Variants in CFAP161 observed in about 807,000 individuals in gnomAD.
The protein encoded by CFAP161 is cilia and flagella associated protein 161, also known as cilia- and flagella-associated protein 161.
In CFAP161, 25 loss-of-function variants were observed where a neutral mutation model predicts 29.0. The observed-to-expected ratio is 0.86, with a 90% confidence interval of 0.63 to 1.20. CFAP161 has a LOEUF of 1.20. Among genes scored for constraint, CFAP161 ranks in the 50% most tolerant of loss-of-function variants. The probability of loss-of-function intolerance (pLI) is 0.00; values close to 1 mark genes in which losing one functional copy is unlikely to be tolerated. For synonymous variants in CFAP161, 116 were observed against 137.4 expected (o/e 0.84, Z 1.09); for missense variants, 367 against 371.9 (o/e 0.99, Z 0.11).
chr15:81,126,688 CT>C (rs1297422830), intron 1 of CFAP161, among the ~76,000 whole-genome samples: 1 of 152,104 alleles, frequency 6.6e-6, no homozygotes, highest in Non-Finnish European at 1.5e-5. Context: ...TTTCTTTTCA[CT>C]TTAGATTATT....
intron 1 of CFAP161, among the ~76,000 whole-genome samples, chr15:81,102,599 T>C (rs150877542): frequency 3.9e-5 from 6 of 152,172 alleles, no homozygotes; most frequent in Admixed American, 1.3e-4. Context: ...GTCCAGGAGG[T>C]GAAGGCTGCA....
intron 1 of CFAP161, among the ~76,000 whole-genome samples, chr15:81,120,623 G>A (rs1470066085): frequency 6.6e-6 from 1 of 152,162 alleles, no homozygotes; most frequent in African/African-American, 2.4e-5. Context: ...ACAAGTTACA[G>A]TAGTTGACAA....
chr15:81,134,621 C>G (rs1373644329), intron 1 of CFAP161, among the ~76,000 whole-genome samples: 1 of 152,202 alleles, frequency 6.6e-6, no homozygotes, highest in African/African-American at 2.4e-5. Flanking sequence ...ACTTTTCTTT[C>G]TCTGGGTCCC....
At chr15:81,145,085 A>G (rs1336437447) in intron 5 of CFAP161, among the ~76,000 whole-genome samples, 3 of 152,154 alleles carry the variant, frequency 2.0e-5, no homozygotes, top group Non-Finnish European at 4.4e-5. Flanking sequence ...TGCGTTGACT[A>G]TGGAATTAGT....
At position 81,105,238 on chromosome 15, in the gene CFAP161, T is replaced by TTC. The variant is rs1194889726; in HGVS notation, c.-141-22339_-141-22338dup. Among the ~76,000 whole-genome samples the TTC allele has an allele frequency of 3.9e-5, 4 of 103,604 alleles. No individual in the cohort carries two copies. The East Asian group carries it at 9.4e-4, about 24-fold the overall frequency. 68.0% of individuals were successfully genotyped at this position (103,604 alleles called of 152,430 possible). A position where few individuals can be genotyped will look rare whatever the true frequency, so the allele number is the denominator to read the frequency against. ...CTCCCCCACCCTCCCCCCTCTTTCTTTCTCTCTCTCTCTCCTTCCTCTTTC... is the reference window on the plus strand; with the variant it reads ...CTCCCCCACCCTCCCCCCTCTTTCTTTCTCTCTCTCTCTCTCCTTCCTCTTTC... On this transcript the variant is annotated intron_variant, in intron 1 of 4. Transcript: ENST00000560091.
upstream of CFAP161, among the ~76,000 whole-genome samples, chr15:81,134,009 TA>T (rs1894761245): frequency 6.6e-6 from 1 of 152,202 alleles, no homozygotes; most frequent in African/African-American, 2.4e-5. Context: ...GGGTACTCGA[TA>T]GCACTTTTCG....
intron 1 of CFAP161, among the ~76,000 whole-genome samples, chr15:81,109,201 C>G (rs1194543441): frequency 1.3e-5 from 2 of 152,112 alleles, no homozygotes; most frequent in Non-Finnish European, 2.9e-5. Flanking sequence ...CTTGAGCATC[C>G]CAAAAAACTC....
upstream of CFAP161, among the ~76,000 whole-genome samples, chr15:81,129,789 T>G (rs2663909): frequency 0.15 from 11,056 of 71,874 alleles, 489 homozygotes; most frequent in Non-Finnish European, 0.17. Flanking sequence ...CTAATGTAAG[T>G]CTTTTTTGCC....
intron 4 of CFAP161, among the ~76,000 whole-genome samples, chr15:81,142,124 G>T (rs1476154785): frequency 1.3e-5 from 2 of 151,950 alleles, no homozygotes; most frequent in African/African-American, 4.8e-5. Flanking sequence ...CTGTTCCTAG[G>T]CTCTTTTCTC....
chr15:81,113,512 A>G (rs1330644517), intron 1 of CFAP161, among the ~76,000 whole-genome samples: 2 of 152,154 alleles, frequency 1.3e-5, no homozygotes, highest in African/African-American at 4.8e-5. Context: ...TAAAATCAGG[A>G]GTTCCCATGG....
At chr15:81,106,143 G>A (rs1475473501) in intron 1 of CFAP161, among the ~76,000 whole-genome samples, 1 of 152,200 alleles carries the variant, frequency 6.6e-6, no homozygotes, top group Non-Finnish European at 1.5e-5. Context: ...TTCTAAGATG[G>A]TCTTGATAGA....
At position 81,139,297 on chromosome 15, in the gene CFAP161, AAAAAAT is replaced by A. The variant is rs140249188; in HGVS notation, c.477+1180_477+1185del. Among the ~76,000 whole-genome samples, 706 of 152,248 alleles carry A rather than the reference AAAAAAT, an allele frequency of 4.6e-3. 12 individuals carry two copies. Among genetic ancestry groups the A allele is most frequent in the African/African-American group, 0.016 (669 of 41,546 alleles). On this transcript the variant is annotated intron_variant, in intron 4 of 6. Coordinates refer to ENST00000286732, the MANE Select transcript of CFAP161 (RefSeq NM_173528.4). ...GGGTGACAGAAAGAGACCCTGTGTCAAAAAATAAAAATAAAAATAAAAAATAAAAAG... is the reference window on the plus strand; with the variant it reads ...GGGTGACAGAAAGAGACCCTGTGTCAAAAAATAAAAATAAAAAATAAAAAG...
Position 81,148,532 on chromosome 15 carries a change from A to G in CFAP161, c.905A>G (p.Ter302=). The G allele has an allele frequency of 2.5e-6, 4 of 1,609,946 alleles. No homozygotes were observed. The highest frequency in any genetic ancestry group is 2.2e-5 in the East Asian group (1 of 44,752). The change falls in exon 7 of 7, where the codon TAA becomes TGA. Residue 302 remains the stop codon, a stop_retained_variant. Transcript: ENST00000286732. The part of the protein sequence containing the change: ...MEQAMGLDTQ[*] Reference sequence around the variant, plus strand: ...CAGGCCATGGGCCTTGACACGCAGTAACACGCCAGGCACGTGCATGTTTTC... The same window carrying G: ...CAGGCCATGGGCCTTGACACGCAGTGACACGCCAGGCACGTGCATGTTTTC...
intron 2 of CFAP161, among the ~76,000 whole-genome samples, chr15:81,128,677 AT>A (rs1273779619): frequency 6.6e-6 from 1 of 152,168 alleles, no homozygotes; most frequent in Non-Finnish European, 1.5e-5. Flanking sequence ...TAATGTTGAT[AT>A]TTTGACCTCC....
chr15:81,103,522 C>T (rs1050913781), intron 1 of CFAP161, among the ~76,000 whole-genome samples: 2 of 152,142 alleles, frequency 1.3e-5, no homozygotes, highest in African/African-American at 4.8e-5. Flanking sequence ...ATTTGGGGAG[C>T]TTATGAATAG....
chr15:81,135,282 G>C lies in CFAP161; in HGVS notation c.82G>C (p.Asp28His), dbSNP rs779373938. ...ATTTTCTGTTTAGGAGCTCATGAAAGACTTCTTAGAGAAGAGAGACAAGGG... is the reference window on the plus strand; with the variant it reads ...ATTTTCTGTTTAGGAGCTCATGAAACACTTCTTAGAGAAGAGAGACAAGGG... ...DVYLEEELMKDFLEKRDKGKL... is the reference protein window; with the variant it reads ...DVYLEEELMKHFLEKRDKGKL... The change falls in exon 2 of 7, where the codon GAC becomes CAC. Residue 28 changes from aspartate (D) to histidine (H), a missense_variant. Transcript: ENST00000286732. 6 of 1,594,330 alleles carry C rather than the reference G, an allele frequency of 3.8e-6. No individual in the cohort carries two copies. Among genetic ancestry groups the C allele is most frequent in the African/African-American group, 1.4e-5 (1 of 73,362 alleles).
intron 1 of CFAP161, among the ~76,000 whole-genome samples, chr15:81,113,208 T>C (rs1160234143): frequency 1.3e-5 from 2 of 152,220 alleles, no homozygotes; most frequent in Non-Finnish European, 2.9e-5. Flanking sequence ...GTCAAGGGAC[T>C]CTGCTCATGC....
Position 81,118,011 on chromosome 15 carries a change from C to T in CFAP161, c.-141-9579C>T, listed in dbSNP as rs1443364583. ...TGAAGACACTCTCTTGGTAGTCATT[C>T]AGGTTAATAACCTCACAGTTAAAGA... On this transcript the variant is annotated intron_variant, in intron 1 of 4. Transcript: ENST00000560091. The T allele has an allele frequency of 5.5e-5, 27 of 491,806 alleles. No individual in the cohort carries two copies. The Admixed American group carries it at 7.8e-4, about 14-fold the overall frequency. 30.5% of individuals were successfully genotyped at this position (491,806 alleles called of 1,614,324 possible).
Position 81,102,430 on chromosome 15 carries a change from G to A in CFAP161, c.-141-25160G>A, listed in dbSNP as rs550992944. Among the ~76,000 whole-genome samples, 10 of 152,304 alleles carry A rather than the reference G, an allele frequency of 6.6e-5. 1 individual carries two copies. The highest frequency in any genetic ancestry group is 1.7e-4 in the African/African-American group (7 of 41,572). Reference sequence around the variant, plus strand: ...CACCTATAATCCCAGCACTTTGGGAGGCCAAGGCCGGGAGATTGCTTGAGC... The same window carrying A: ...CACCTATAATCCCAGCACTTTGGGAAGCCAAGGCCGGGAGATTGCTTGAGC... On this transcript the variant is annotated intron_variant, in intron 1 of 4. Transcript: ENST00000560091.
Sources: allele counts gnomAD v4.1 joint callset (sites outside exome capture counted in the v4.1 genomes callset), GRCh38; gene constraint gnomAD v4.1.1; transcripts MANE v1.5; gene names NCBI Gene and HGNC (gene_info 2026-07-23, HGNC 2026-07-21).